TOM1L1: variants seen among roughly 807,000 people sequenced by gnomAD.
TOM1L1 encodes the protein TOM1-like protein 1.
A neutral mutation model predicts 63.4 loss-of-function variants in TOM1L1; 64 were observed. The ratio of observed to expected loss-of-function variants is 1.01; its 90% CI spans 0.83 to 1.24. TOM1L1 has a LOEUF of 1.24. TOM1L1 is among the 50% of genes most tolerant of loss of function. TOM1L1 has a pLI of 0.00. For missense variants in TOM1L1, 536 were observed against 567.0 expected (o/e 0.95, Z 0.55); for synonymous variants, 166 against 194.4 (o/e 0.85, Z 1.22).
rs2048719069 is a variant in TOM1L1, at chr17:54,923,648, C to T, written c.721-6425C>T. ...GCAACCTCTGCCTCCTGGATTTGAG[C>T]AATTCTCCTGTCTCAGCCTCCGGAG... is the stretch of plus-strand genomic sequence containing the variant. On this transcript the variant is annotated intron_variant, in intron 7 of 15. Transcript: ENST00000575882. Among the ~76,000 whole-genome samples, 4 of 151,982 alleles carry T rather than the reference C, an allele frequency of 2.6e-5. 1 individual carries two copies. The South Asian group carries it at 8.3e-4, about 32-fold the overall frequency.
chr17:54,932,042 C>T (rs1314115539), intron 8 of TOM1L1, among the ~76,000 whole-genome samples: 4 of 151,292 alleles, frequency 2.6e-5, no homozygotes, highest in Non-Finnish European at 5.9e-5. Context: ...GCAACCTCCA[C>T]CTTCTGGGTT....
intron 3 of TOM1L1, among the ~76,000 whole-genome samples, chr17:54,905,995 G>C (rs994317273): frequency 1.1e-4 from 17 of 151,810 alleles, no homozygotes; most frequent in African/African-American, 3.9e-4. Flanking sequence ...GATGGTGAGA[G>C]CCCGTCTCTA....
chr17:54,903,444 G>GCTGGC (rs1253891133), intron 1 of TOM1L1, among the ~76,000 whole-genome samples: 2 of 152,246 alleles, frequency 1.3e-5, no homozygotes, highest in East Asian at 3.8e-4. Context: ...CGGAGATTTA[G>GCTGGC]CTGGCCTGGC....
chr17:54,933,195 G>A (rs564774416), intron 8 of TOM1L1, among the ~76,000 whole-genome samples: 51 of 152,318 alleles, frequency 3.3e-4, no homozygotes, highest in African/African-American at 1.2e-3. Flanking sequence ...GCTAGAGGCT[G>A]TTCACTTTCC....
intron 7 of TOM1L1, among the ~76,000 whole-genome samples, chr17:54,923,533 T>C (rs938912967): frequency 6.6e-6 from 1 of 151,516 alleles, no homozygotes; most frequent in Non-Finnish European, 1.5e-5. Context: ...TTTTATTTTT[T>C]AAATTAATTA....
At position 54,912,544 on chromosome 17, in the gene TOM1L1, TACTAA is replaced by T. The variant is rs368135933; in HGVS notation, c.223-120_223-116del. 824 of 795,934 alleles carry T rather than the reference TACTAA, an allele frequency of 1.0e-3. 3 individuals are homozygous for T. The African/African-American group carries it at 0.013, about 12-fold the overall frequency. The allele number at this position is 795,934 out of a possible 1,614,324, so 49.3% of individuals were successfully genotyped here. ...ACATTTTGCCATATATTTTAGTAGA[TACTAA>T]ATTATGTTTGTTAATTAGGATGCTG... On this transcript the variant is annotated intron_variant, in intron 3 of 15. Coordinates refer to ENST00000575882, the MANE Select transcript of TOM1L1 (RefSeq NM_005486.3).
At chr17:54,901,032 A>C (rs1200684320) in intron 1 of TOM1L1, 109 bp downstream of exon 1, 1 of 1,452,004 alleles carries the variant, frequency 6.9e-7, no homozygotes, top group Non-Finnish European at 9.4e-7. Flanking sequence ...ACTTGAAAAA[A>C]TTATTCCCCT....
Position 54,938,939 on chromosome 17 carries a change from G to T in TOM1L1, c.1049G>T (p.Ser350Ile). The T allele has an allele frequency of 1.2e-6, 2 of 1,609,282 alleles. No homozygotes were observed. The highest frequency in any genetic ancestry group is 1.7e-6 in the Non-Finnish European group (2 of 1,177,810). The stretch of plus-strand genomic sequence containing the variant: ...TGTGTTTTAGATTTCAGCCTTCCAA[G>T]TTCTGATGTAACAAACAACTTAAAA... ...QLSGLNFSLP[S>I]SDVTNNLKPS... The change falls in exon 11 of 16, where the codon AGT becomes ATT. Residue 350 changes from serine (S) to isoleucine (I), a missense_variant. By Grantham distance (142) the Ser-to-Ile change is moderately radical. Transcript: ENST00000575882.
At chr17:54,912,577 G>T in intron 3 of TOM1L1, 89 bp from the exon 4 acceptor site, 1 of 1,118,242 alleles carries the variant, frequency 8.9e-7, no homozygotes, top group Admixed American at 3.2e-5. Flanking sequence ...GGATGCTGAT[G>T]GAACCCATTA....
intron 1 of TOM1L1, 21 bp from the exon 2 acceptor site, chr17:54,903,687 T>A (rs2143720029): frequency 1.2e-6 from 2 of 1,607,616 alleles, no homozygotes; most frequent in East Asian, 4.5e-5. Context: ...TAGCTCAGAC[T>A]CAACAGCTTT....
intron 15 of TOM1L1, 41 bp from the exon 16 acceptor site, chr17:54,961,194 G>C (rs763023713): frequency 2.3e-6 from 3 of 1,294,892 alleles, no homozygotes; most frequent in Non-Finnish European, 3.3e-6. Context: ...GGAAAGAGAA[G>C]GACAGGATGA....
At chr17:54,915,223 A>G (rs2048567988) in intron 6 of TOM1L1, among the ~76,000 whole-genome samples, 1 of 152,224 alleles carries the variant, frequency 6.6e-6, no homozygotes, top group Non-Finnish European at 1.5e-5. Context: ...AGGAACTATA[A>G]TTGAAGATTT....
chr17:54,930,847 TATAA>T (rs1194719121), intron 8 of TOM1L1, among the ~76,000 whole-genome samples: 1 of 151,636 alleles, frequency 6.6e-6, no homozygotes, highest in African/African-American at 2.4e-5. Flanking sequence ...GTCTCAAGAA[TATAA>T]ATAAATAAAA....
In TOM1L1 at chr17:54,914,723, G is replaced by A. The variant is rs763072230; in HGVS notation, c.583G>A (p.Val195Ile). The change falls in exon 6 of 16, where the codon GTT becomes ATT. Residue 195 changes from valine (V) to isoleucine (I), a missense_variant. By Grantham distance (29) the Val-to-Ile change is conservative. Transcript: ENST00000575882. ...SSVIAPKNSTVTLVPEQIGKL... is the reference protein window; with the variant it reads ...SSVIAPKNSTITLVPEQIGKL... ...TGTAATTGCTCCAAAGAACTCGACT[G>A]TTACATTGGTCCCAGAACAGGTAAC... The A allele has an allele frequency of 6.2e-7, 1 of 1,612,792 alleles. No homozygotes were observed. Among genetic ancestry groups the A allele is most frequent in the South Asian group, 1.1e-5 (1 of 91,052 alleles).
intron 6 of TOM1L1, among the ~76,000 whole-genome samples, chr17:54,915,437 T>C (rs1335330197): frequency 2.0e-5 from 3 of 152,178 alleles, no homozygotes; most frequent in African/African-American, 7.2e-5. Flanking sequence ...TGGTACCTTC[T>C]TCTGCTAGGT....
chr17:54,936,810 T>C, intron 9 of TOM1L1, 101 bp downstream of exon 9: 2 of 1,021,844 alleles, frequency 2.0e-6, no homozygotes, highest in East Asian at 2.5e-5. Context: ...GAGGAAGATA[T>C]GCATTCATAA....
At chr17:54,915,887 C>T in intron 7 of TOM1L1, 25 bp downstream of exon 7, 1 of 1,549,180 alleles carries the variant, frequency 6.5e-7, no homozygotes, top group African/African-American at 1.4e-5. Context: ...CAGGGACTAT[C>T]AGTCAAAGTG....
In TOM1L1 at chr17:54,913,786, C is replaced by T. The variant is rs773984383; in HGVS notation, c.411C>T (p.Ser137=). The change falls in exon 5 of 16, where the codon AGC becomes AGT. Residue 137 remains serine, a synonymous_variant. Coordinates refer to ENST00000575882, the MANE Select transcript of TOM1L1 (RefSeq NM_005486.3). The part of the protein sequence containing the change: ...SQGFPGGVDV[S]EVKEVYLDLV... ...GCTTCCCAGGAGGTGTGGATGTAAG[C>T]GAAGTCAAAGAAGTATACCTCGACC... The T allele has an allele frequency of 9.9e-6, 16 of 1,610,980 alleles. No individual in the cohort carries two copies. Among genetic ancestry groups the T allele is most frequent in the South Asian group, 3.3e-5 (3 of 91,030 alleles).
At chr17:54,907,715 A>G (rs555392024) in intron 3 of TOM1L1, among the ~76,000 whole-genome samples, 3 of 151,842 alleles carry the variant, frequency 2.0e-5, no homozygotes, top group African/African-American at 7.2e-5. Context: ...CAAATATAGT[A>G]TATCTGGGAT....
Sources: allele counts gnomAD v4.1 joint callset (sites outside exome capture counted in the v4.1 genomes callset), GRCh38; gene constraint gnomAD v4.1.1; transcripts MANE v1.5; gene names NCBI Gene and HGNC (gene_info 2026-07-23, HGNC 2026-07-21).